Variants in RALYL observed in about 807,000 individuals in gnomAD.
RALYL encodes RNA-binding Raly-like protein.
A neutral mutation model predicts 35.1 loss-of-function variants in RALYL; 29 were observed. The observed-to-expected ratio is 0.83, with a 90% confidence interval of 0.61 to 1.13. The LOEUF is 1.13. Ranked by LOEUF, RALYL falls within the 50% of genes most tolerant of loss-of-function variation. The pLI, the probability that RALYL is intolerant of heterozygous loss-of-function variation, is 0.00. For missense variants in RALYL, 359 were observed against 360.4 expected, an observed-to-expected ratio of 1.00 and a Z score of 0.03; for synonymous variants, 120 against 127.6, an observed-to-expected ratio of 0.94 and a Z score of 0.40.
intron 1 of RALYL, among the ~76,000 whole-genome samples, chr8:84,394,290 C>T (rs561317143): frequency 3.5e-4 from 53 of 152,122 alleles, no homozygotes; most frequent in Admixed American, 1.7e-3. Context: ...ATGTAAATAA[C>T]CTATATGTAT....
chr8:84,377,846 G>A (rs1326069347), intron 1 of RALYL, among the ~76,000 whole-genome samples: 1 of 151,758 alleles, frequency 6.6e-6, no homozygotes, highest in Non-Finnish European at 1.5e-5. Context: ...GTTCTGCAAA[G>A]TTTTCAAGAT....
At chr8:84,742,050 T>A (rs571481773) in intron 2 of RALYL, among the ~76,000 whole-genome samples, 9 of 151,904 alleles carry the variant, frequency 5.9e-5, no homozygotes, top group Non-Finnish European at 1.2e-4. Context: ...AAGAAAAGTT[T>A]GTGGTCATAC....
intron 1 of RALYL, among the ~76,000 whole-genome samples, chr8:84,241,051 T>C (rs185988263): frequency 2.0e-5 from 3 of 152,026 alleles, no homozygotes; most frequent in Non-Finnish European, 2.9e-5. Context: ...TATATACTTA[T>C]ATATATTTAT....
chr8:84,333,431 G>A (rs1011861243), intron 1 of RALYL, among the ~76,000 whole-genome samples: 2 of 151,986 alleles, frequency 1.3e-5, no homozygotes, highest in Admixed American at 6.6e-5. Context: ...CAGTCTAATC[G>A]GGAAAATAAT....
At chr8:84,598,165 G>A (rs947094199) in intron 2 of RALYL, among the ~76,000 whole-genome samples, 6 of 151,882 alleles carry the variant, frequency 4.0e-5, no homozygotes, top group African/African-American at 1.5e-4. Context: ...TGTAACTTTC[G>A]CATTACTTAT....
chr8:84,869,825 A>G (rs1839864367), intron 6 of RALYL, among the ~76,000 whole-genome samples: 2 of 152,182 alleles, frequency 1.3e-5, no homozygotes, highest in Admixed American at 1.3e-4. Flanking sequence ...ATAAGTCAGA[A>G]ATGCACAGAT....
At chr8:84,253,560 T>C (rs73688465) in intron 1 of RALYL, among the ~76,000 whole-genome samples, 4,242 of 152,122 alleles carry the variant, frequency 0.028, 207 homozygotes, top group African/African-American at 0.096. Context: ...GTCTGTTATT[T>C]GAATAGTAAT....
intron 1 of RALYL, among the ~76,000 whole-genome samples, chr8:84,473,887 A>G (rs1379595650): frequency 3.3e-5 from 5 of 152,054 alleles, no homozygotes; most frequent in Non-Finnish European, 5.9e-5. Flanking sequence ...TAATATTACT[A>G]TACATACAAT....
intron 1 of RALYL, among the ~76,000 whole-genome samples, chr8:84,323,510 A>G (rs182001171): frequency 1.3e-5 from 2 of 152,180 alleles, no homozygotes; most frequent in African/African-American, 4.8e-5. Flanking sequence ...ATCTCAGTAT[A>G]TGTCCCTTAA....
At chr8:84,809,609 C>T (rs1368443248) in intron 4 of RALYL, among the ~76,000 whole-genome samples, 1 of 152,038 alleles carries the variant, frequency 6.6e-6, no homozygotes, top group Non-Finnish European at 1.5e-5. Context: ...TCCATCTGGT[C>T]CTGGACATTT....
At chr8:84,462,577 G>A (rs1473914864) in intron 1 of RALYL, among the ~76,000 whole-genome samples, 1 of 148,744 alleles carries the variant, frequency 6.7e-6, no homozygotes, top group Non-Finnish European at 1.5e-5. Context: ...TTTTGTGAAA[G>A]GAATAAAGTA....
intron 1 of RALYL, among the ~76,000 whole-genome samples, chr8:84,425,811 G>GTT: frequency 6.6e-6 from 1 of 151,812 alleles, no homozygotes; most frequent in Admixed American, 6.6e-5. Context: ...GTGTGTGTGT[G>GTT]TGTGTGTGTG....
At chr8:84,499,926 C>G (rs183654543) in intron 1 of RALYL, among the ~76,000 whole-genome samples, 5 of 152,082 alleles carry the variant, frequency 3.3e-5, no homozygotes, top group African/African-American at 9.6e-5. Flanking sequence ...GACCAATTTT[C>G]TCTATTTTTT....
At chr8:84,234,685 A>T (rs1826084048) in intron 1 of RALYL, among the ~76,000 whole-genome samples, 1 of 152,104 alleles carries the variant, frequency 6.6e-6, no homozygotes, top group Non-Finnish European at 1.5e-5. Flanking sequence ...CATTTTGAAC[A>T]TCTTAAAATC....
At chr8:84,292,315 A>G (rs910710172) in intron 1 of RALYL, among the ~76,000 whole-genome samples, 45 of 152,132 alleles carry the variant, frequency 3.0e-4, no homozygotes, top group African/African-American at 1.1e-3. Flanking sequence ...ATACTATTCT[A>G]TTCTCCTCAT....
At chr8:84,397,613 T>C (rs2042474214) in intron 1 of RALYL, among the ~76,000 whole-genome samples, 1 of 152,188 alleles carries the variant, frequency 6.6e-6, no homozygotes, top group African/African-American at 2.4e-5. Flanking sequence ...CATTTATTGA[T>C]TTTTCATAGC....
chr8:84,366,561 G>A (rs1055668105), intron 1 of RALYL, among the ~76,000 whole-genome samples: 2 of 151,938 alleles, frequency 1.3e-5, no homozygotes, highest in East Asian at 3.9e-4. Context: ...CAGATCATGA[G>A]GTCAGGGGAT....
intron 2 of RALYL, among the ~76,000 whole-genome samples, chr8:84,600,295 C>T (rs1381345963): frequency 6.6e-6 from 1 of 151,984 alleles, no homozygotes; most frequent in Non-Finnish European, 1.5e-5. Flanking sequence ...GAAATTAGAA[C>T]ACCTCTCCAA....
intron 1 of RALYL, 61 bp from the exon 2 acceptor site, chr8:84,529,238 C>T: frequency 6.6e-7 from 1 of 1,514,390 alleles, no homozygotes; most frequent in Non-Finnish European, 8.9e-7. Flanking sequence ...CACTGATACC[C>T]ATTCGATCTA....
Sources: gnomAD v4.1 joint callset for allele counts (sites outside exome capture counted in the v4.1 genomes callset) on GRCh38, gnomAD v4.1.1 for gene constraint, MANE v1.5 for transcripts, NCBI Gene and HGNC (gene_info 2026-07-23, HGNC 2026-07-21) for gene names.